The following MME variants were observed in gnomAD, a reference collection of about 807,000 sequenced individuals.
The protein encoded by MME is neprilysin.
MME carries 98 observed loss-of-function variants against 113.2 expected under a neutral mutation model. The observed-to-expected ratio is 0.87, with a 90% CI of 0.74 to 1.02. The LOEUF is 1.02. Among genes scored for constraint, MME ranks in the 50% least tolerant of loss-of-function variants. MME has a pLI of 0.00. For synonymous variants in MME, 292 were observed against 300.6 expected, an observed-to-expected ratio of 0.97 and a Z score of 0.30; for missense variants, 836 against 896.0, an observed-to-expected ratio of 0.93 and a Z score of 0.86.
chr3:155,137,004 C>A (rs1166820554), intron 8 of MME, among the ~76,000 whole-genome samples: 1 of 152,112 alleles, frequency 6.6e-6, no homozygotes. Flanking sequence ...TGGTTCAAAC[C>A]TAACAAAAGT....
At chr3:155,165,605 CAG>C (rs1723035798) in intron 17 of MME, among the ~76,000 whole-genome samples, 1 of 152,042 alleles carries the variant, frequency 6.6e-6, no homozygotes, top group African/African-American at 2.4e-5. Flanking sequence ...AGGATAGATT[CAG>C]AGAGTAGATT....
chr3:155,051,526 ACAGGTGAGAGG>A (rs1195950464), intron 1 of MME, among the ~76,000 whole-genome samples: 1 of 152,190 alleles, frequency 6.6e-6, no homozygotes, highest in Non-Finnish European at 1.5e-5. Flanking sequence ...GGCACATCTT[ACAGGTGAGAGG>A]CAGGTGAGAG....
intron 15 of MME, among the ~76,000 whole-genome samples, chr3:155,147,949 C>G (rs1168223527): frequency 6.6e-6 from 1 of 152,092 alleles, no homozygotes; most frequent in Non-Finnish European, 1.5e-5. Flanking sequence ...TTTAAATGAG[C>G]TGGTTATAGC....
At chr3:155,059,811 T>A (rs1284441056) in intron 1 of MME, among the ~76,000 whole-genome samples, 1 of 152,200 alleles carries the variant, frequency 6.6e-6, no homozygotes, top group Non-Finnish European at 1.5e-5. Context: ...CTGAATTTTA[T>A]ATAGTCTAAT....
In MME at chr3:155,172,146, C is replaced by T. The variant is rs201494121; in HGVS notation, c.2010C>T (p.Gly670=). The change falls in exon 21 of 23, where the codon GGC becomes GGT. Residue 670 remains glycine, a synonymous_variant. Transcript: ENST00000360490. ...ATCAGAATTATATTAAAAAGAATGG[C>T]GAAGAAAAATTACTTCCTGGACTTG... ...RAYQNYIKKN[G]EEKLLPGLDL... 4.6e-5 allele frequency: 74 copies of T among 1,609,264 alleles called. No individual in the cohort carries two copies. The Middle Eastern group carries it at 5.0e-4, about 11-fold the overall frequency.
At chr3:155,075,622 A>T (rs1019651869), upstream of MME, among the ~76,000 whole-genome samples, 1 of 152,304 alleles carries the variant, frequency 6.6e-6, no homozygotes, top group Non-Finnish European at 1.5e-5. Context: ...TACATAATTA[A>T]CCTAATAAAG....
chr3:155,063,682 A>ATTATG (rs1323063129), intron 1 of MME, among the ~76,000 whole-genome samples: 2 of 127,826 alleles, frequency 1.6e-5, no homozygotes, highest in African/African-American at 5.8e-5. Context: ...ATTATATTAT[A>ATTATG]TTATATTATA....
chr3:155,140,969 G>C (rs1465605411), intron 10 of MME, among the ~76,000 whole-genome samples: 1 of 152,086 alleles, frequency 6.6e-6, no homozygotes, highest in African/African-American at 2.4e-5. Flanking sequence ...AAAAAGAAAA[G>C]CTCTCTCATA....
At chr3:155,146,752 A>G (rs995021960) in intron 14 of MME, among the ~76,000 whole-genome samples, 1 of 152,130 alleles carries the variant, frequency 6.6e-6, no homozygotes, top group Non-Finnish European at 1.5e-5. Context: ...CAGTCAAATC[A>G]ATGAGGCAGA....
At chr3:155,138,697 T>C (rs1394127043) in intron 9 of MME, among the ~76,000 whole-genome samples, 6 of 152,156 alleles carry the variant, frequency 3.9e-5, no homozygotes, top group African/African-American at 1.4e-4. Flanking sequence ...GTGATACTAC[T>C]GAGTTCAAAT....
intron 17 of MME, among the ~76,000 whole-genome samples, chr3:155,165,854 C>T (rs1723052889): frequency 6.6e-6 from 1 of 152,170 alleles, no homozygotes; most frequent in Non-Finnish European, 1.5e-5. Context: ...GATAGAGACC[C>T]TTCAAGGGCC....
chr3:155,164,617 A>AT (rs1206278794), intron 17 of MME, among the ~76,000 whole-genome samples: 1 of 152,196 alleles, frequency 6.6e-6, no homozygotes, highest in Non-Finnish European at 1.5e-5. Context: ...TGTAGTTAAT[A>AT]TTTAGTCTTG....
At chr3:155,146,556 A>G (rs1721535055) in intron 14 of MME, among the ~76,000 whole-genome samples, 1 of 152,064 alleles carries the variant, frequency 6.6e-6, no homozygotes, top group African/African-American at 2.4e-5. Context: ...AGTAGTAAAT[A>G]CATAATAAAT....
At chr3:155,034,343 T>C (rs934254463) in intron 1 of MME, among the ~76,000 whole-genome samples, 4 of 152,208 alleles carry the variant, frequency 2.6e-5, no homozygotes, top group Non-Finnish European at 5.9e-5. Flanking sequence ...GTATGCTTTT[T>C]CTGCCCAAGT....
At position 155,148,220 on chromosome 3, in the gene MME, C is replaced by T. The variant is rs56207301; in HGVS notation, c.1498-330C>T. Among the ~76,000 whole-genome samples the T allele has an allele frequency of 5.9e-3, 895 of 152,088 alleles. 7 individuals are homozygous for T. Among genetic ancestry groups the T allele is most frequent in the African/African-American group, 0.021 (862 of 41,500 alleles). On this transcript the variant is annotated intron_variant, in intron 15 of 22. Transcript: ENST00000360490. ...AAAATTTAAAGTACTTAGAATAGTA[C>T]TTGGCACATGGTAAGTACTAAAGAA...
upstream of MME, among the ~76,000 whole-genome samples, chr3:155,077,687 C>T: frequency 6.6e-6 from 1 of 151,186 alleles, no homozygotes; most frequent in East Asian, 2.0e-4. Flanking sequence ...CCAGCCTGGG[C>T]AACACAGTCA....
intron 4 of MME, among the ~76,000 whole-genome samples, chr3:155,115,799 C>T (rs979799640): frequency 3.9e-5 from 6 of 152,126 alleles, no homozygotes; most frequent in Non-Finnish European, 8.8e-5. Flanking sequence ...CTTCTGTAGT[C>T]TCCCTACCCA....
At chr3:155,127,242 C>A (rs1719760061) in intron 8 of MME, among the ~76,000 whole-genome samples, 1 of 152,120 alleles carries the variant, frequency 6.6e-6, no homozygotes, top group South Asian at 2.1e-4. Context: ...GGCAGGCCAT[C>A]CAGATGAGGC....
In MME at chr3:155,095,786, C is replaced by T. The variant is rs1716683871; in HGVS notation, c.196+10692C>T. Among the ~76,000 whole-genome samples, 7 of 152,178 alleles carry T rather than the reference C, an allele frequency of 4.6e-5. 1 individual carries two copies. In the South Asian group the frequency reaches 1.5e-3, roughly 32 times the overall value. ...CCCCCTGCCGTCAGGAAAATGAAAA[C>T]CTGGTCAGTGTGACAGACATAAACA... On this transcript the variant is annotated intron_variant, in intron 3 of 22. Transcript: ENST00000360490.
Sources: allele counts gnomAD v4.1 joint callset (sites outside exome capture counted in the v4.1 genomes callset), GRCh38; gene constraint gnomAD v4.1.1; transcripts MANE v1.5; gene names NCBI Gene and HGNC (gene_info 2026-07-23, HGNC 2026-07-21).